TMEM178B: variants seen among roughly 807,000 people sequenced by gnomAD.
The protein encoded by TMEM178B is transmembrane protein 178B.
A neutral mutation model predicts 31.0 loss-of-function variants in TMEM178B; 5 were observed. The ratio of observed to expected loss-of-function variants is 0.16; its 90% CI spans 0.08 to 0.34. TMEM178B has a LOEUF of 0.34. TMEM178B is among the 10% of genes least tolerant of loss of function. The pLI is 1.00. For missense variants in TMEM178B, 275 were observed against 400.3 expected (o/e 0.69, Z 2.67); for synonymous variants, 164 against 164.0 (o/e 1.00, Z 0.00).
At chr7:141,094,366 G>A (rs867636280) in intron 1 of TMEM178B, among the ~76,000 whole-genome samples, 4 of 152,166 alleles carry the variant, frequency 2.6e-5, no homozygotes, top group Non-Finnish European at 4.4e-5. Flanking sequence ...TAGTACTTTA[G>A]CATCTTTTTA....
At position 141,348,217 on chromosome 7, in the gene TMEM178B, C is replaced by A. The variant is rs182667319; in HGVS notation, c.497-89391C>A. 2.4e-3 allele frequency among the ~76,000 whole-genome samples: 360 copies of A among 152,244 alleles called. 6 individuals are homozygous for A. The highest frequency in any genetic ancestry group is 9.1e-4 in the Non-Finnish European group (62 of 68,012). ...TCATTTCCAAATTTCGCAGTTATTT[C>A]TTTCTACTGAAAAATAAGGTCACAA... On this transcript the variant is annotated intron_variant, in intron 2 of 3. Transcript: ENST00000565468.
chr7:141,443,393 G>A (rs766305858), intron 3 of TMEM178B, among the ~76,000 whole-genome samples: 27 of 152,162 alleles, frequency 1.8e-4, no homozygotes, highest in African/African-American at 6.5e-4. Context: ...TCTCGAGTCT[G>A]CATAGGCTCC....
intron 1 of TMEM178B, among the ~76,000 whole-genome samples, chr7:141,080,068 A>C: frequency 6.6e-6 from 1 of 152,212 alleles, no homozygotes; most frequent in East Asian, 1.9e-4. Context: ...TACTCTTGGA[A>C]TCTCAATTCT....
At chr7:141,483,045 C>A (rs1210759729), downstream of TMEM178B, among the ~76,000 whole-genome samples, 1 of 152,122 alleles carries the variant, frequency 6.6e-6, no homozygotes, top group East Asian at 1.9e-4. Flanking sequence ...CACCATAAGT[C>A]ACATTGTTAG....
intron 2 of TMEM178B, among the ~76,000 whole-genome samples, chr7:141,238,542 G>T (rs1380698526): frequency 9.2e-5 from 14 of 152,182 alleles, no homozygotes. Context: ...GGCTGCAGTG[G>T]ACCAGACAGG....
At chr7:141,453,407 T>G (rs1801903499) in intron 3 of TMEM178B, among the ~76,000 whole-genome samples, 2 of 152,252 alleles carry the variant, frequency 1.3e-5, no homozygotes, top group South Asian at 4.1e-4. Context: ...AACAACTCTA[T>G]CACACTCTTA....
intron 1 of TMEM178B, among the ~76,000 whole-genome samples, chr7:141,141,747 T>C (rs932726646): frequency 3.3e-5 from 5 of 152,188 alleles, no homozygotes; most frequent in Non-Finnish European, 5.9e-5. Flanking sequence ...TGCCCAAGTT[T>C]AACATATGAG....
intron 2 of TMEM178B, among the ~76,000 whole-genome samples, chr7:141,339,553 T>A (rs1398231997): frequency 6.6e-6 from 1 of 152,234 alleles, no homozygotes; most frequent in Non-Finnish European, 1.5e-5. Flanking sequence ...GGAGATTTTT[T>A]AAAACTAGGG....
chr7:141,461,857 C>A lies in TMEM178B; in HGVS notation c.635-8679C>A, dbSNP rs1263458072. Among the ~76,000 whole-genome samples the A allele has an allele frequency of 6.6e-6, 1 of 152,154 alleles. No individual in the cohort carries two copies. The highest frequency in any genetic ancestry group is 1.5e-5 in the Non-Finnish European group (1 of 68,032). ...AACTCAGAAATATTTTGGTCATTAACCTTTAAGGTGGTACTAGGAAAGAGC... is the reference window on the plus strand; with the variant it reads ...AACTCAGAAATATTTTGGTCATTAAACTTTAAGGTGGTACTAGGAAAGAGC... On this transcript the variant is annotated intron_variant, in intron 3 of 3. Coordinates refer to ENST00000565468, the MANE Select transcript of TMEM178B (RefSeq NM_001195278.2). The surrounding 1 kb of genome is among the most constrained non-coding windows in gnomAD (Gnocchi z 4.0).
the TMEM178B span, among the ~76,000 whole-genome samples, chr7:141,508,600 AT>A: frequency 6.6e-6 from 1 of 152,210 alleles, no homozygotes; most frequent in Non-Finnish European, 1.5e-5. Flanking sequence ...AAAAGGTTTA[AT>A]TGGACTTACA....
At chr7:141,373,532 C>T (rs1026545401) in intron 2 of TMEM178B, among the ~76,000 whole-genome samples, 2 of 152,204 alleles carry the variant, frequency 1.3e-5, no homozygotes, top group Admixed American at 1.3e-4. Context: ...GGAGGGTGAA[C>T]TACCATGCAG....
At position 141,384,301 on chromosome 7, in the gene TMEM178B, T is replaced by C. The variant is rs182908654; in HGVS notation, c.497-53307T>C. ...GACATGAAGTCCTTGCCCACGCCTG[T>C]GTCCTGAATGGTATTGCCTAGGTTT... On this transcript the variant is annotated intron_variant, in intron 2 of 3. Coordinates refer to ENST00000565468, the MANE Select transcript of TMEM178B (RefSeq NM_001195278.2). Among the ~76,000 whole-genome samples the C allele has an allele frequency of 9.4e-3, 1,425 of 152,350 alleles. 15 individuals are homozygous for C. The highest frequency in any genetic ancestry group is 0.017 in the Middle Eastern group (5 of 294).
chr7:141,136,835 C>T (rs1194076484), intron 1 of TMEM178B, among the ~76,000 whole-genome samples: 1 of 152,108 alleles, frequency 6.6e-6, no homozygotes, highest in African/African-American at 2.4e-5. Context: ...CACTGTACTC[C>T]AGCCTTGGTG....
At chr7:141,469,098 C>G (rs930061599) in intron 3 of TMEM178B, among the ~76,000 whole-genome samples, 10 of 152,234 alleles carry the variant, frequency 6.6e-5, no homozygotes, top group African/African-American at 2.4e-4. Flanking sequence ...TTCCTATTGG[C>G]ACAGCTGCCA....
chr7:141,101,908 CGT>C (rs3032868), intron 1 of TMEM178B, among the ~76,000 whole-genome samples: 3,571 of 141,980 alleles, frequency 0.025, 65 homozygotes, highest in Middle Eastern at 0.051. Flanking sequence ...TGTGTGTTAA[CGT>C]GTGTGTGTGT....
At chr7:141,232,092 A>C (rs571081881) in intron 2 of TMEM178B, among the ~76,000 whole-genome samples, 1 of 152,290 alleles carries the variant, frequency 6.6e-6, no homozygotes, top group South Asian at 2.1e-4. Flanking sequence ...TAGTTTGCTG[A>C]GGATAATGGC....
intron 2 of TMEM178B, among the ~76,000 whole-genome samples, chr7:141,270,640 A>G (rs938921720): frequency 2.6e-5 from 4 of 152,222 alleles, no homozygotes; most frequent in African/African-American, 9.6e-5. Flanking sequence ...TTTTAAAAAC[A>G]CTATAGGATT....
intron 2 of TMEM178B, among the ~76,000 whole-genome samples, chr7:141,340,274 A>G (rs1799493903): frequency 6.6e-6 from 1 of 152,316 alleles, no homozygotes; most frequent in Non-Finnish European, 1.5e-5. Flanking sequence ...AGTGAAACCC[A>G]TTTTGGACTT....
chr7:141,420,726 A>G (rs553677523), intron 2 of TMEM178B, among the ~76,000 whole-genome samples: 2 of 152,356 alleles, frequency 1.3e-5, no homozygotes, highest in South Asian at 4.1e-4. Context: ...TGGGAGGTAC[A>G]CAAACCTGTT....
Sources: allele counts gnomAD v4.1 joint callset (sites outside exome capture counted in the v4.1 genomes callset), GRCh38; gene constraint gnomAD v4.1.1; non-coding constraint Gnocchi (gnomAD v3.1); transcripts MANE v1.5; gene names NCBI Gene and HGNC (gene_info 2026-07-23, HGNC 2026-07-21).